Variants in PDGFC observed in about 807,000 individuals in gnomAD.
PDGFC encodes platelet derived growth factor C.
A neutral mutation model predicts 35.5 loss-of-function variants in PDGFC; 12 were observed. The ratio of observed to expected loss-of-function variants is 0.34; its 90% confidence interval spans 0.22 to 0.55. The LOEUF (loss-of-function observed/expected upper bound fraction) is 0.55, where lower values mean the gene tolerates loss of function less well. Ranked by LOEUF, PDGFC falls within the 20% of genes least tolerant of loss-of-function variation. The pLI is 0.91. For missense variants in PDGFC, 322 were observed against 412.4 expected (o/e 0.78, Z 1.90); for synonymous variants, 159 against 148.8 (o/e 1.07, Z -0.50).
intron 1 of PDGFC, among the ~76,000 whole-genome samples, chr4:156,939,690 A>C (rs2110903015): frequency 6.6e-6 from 1 of 152,216 alleles, no homozygotes; most frequent in South Asian, 2.1e-4. Context: ...ATGTGTCCTC[A>C]GCAGAAATTA....
At chr4:156,889,727 G>C (rs887665425) in intron 1 of PDGFC, among the ~76,000 whole-genome samples, 1 of 152,190 alleles carries the variant, frequency 6.6e-6, no homozygotes, top group African/African-American at 2.4e-5. Context: ...GAAGCTAACA[G>C]GCATTGTTTT....
chr4:156,960,555 A>G (rs1732319667), intron 1 of PDGFC, among the ~76,000 whole-genome samples: 1 of 151,742 alleles, frequency 6.6e-6, no homozygotes, highest in South Asian at 2.1e-4. Flanking sequence ...AGTAAAGTCA[A>G]TAATAAAATG....
In PDGFC at chr4:156,809,998, C is replaced by T. The variant is rs541292557; in HGVS notation, c.495+839G>A. Among the ~76,000 whole-genome samples the T allele has an allele frequency of 2.0e-5, 3 of 151,850 alleles. No homozygotes were observed. In the East Asian group the frequency reaches 5.8e-4, roughly 29 times the overall value. On this transcript the variant is annotated intron_variant, in intron 3 of 5. Transcript: ENST00000502773. ...ACTTTGTGAAAGTGTATCCATGGCC[C>T]TCAACGCCACCCTAGCCTAAAAAAT...
At chr4:156,822,175 C>A (rs376891454) in intron 2 of PDGFC, among the ~76,000 whole-genome samples, 1 of 151,750 alleles carries the variant, frequency 6.6e-6, no homozygotes, top group Non-Finnish European at 1.5e-5. Flanking sequence ...CTGGCTAACA[C>A]GGTGAAACCC....
chr4:156,798,061 G>A (rs1007504464), intron 3 of PDGFC, among the ~76,000 whole-genome samples: 4 of 152,014 alleles, frequency 2.6e-5, no homozygotes, highest in Admixed American at 6.6e-5. Flanking sequence ...GCATGGTGGC[G>A]GGCGCCTGTA....
At chr4:156,779,940 AT>A (rs1261770621) in intron 3 of PDGFC, among the ~76,000 whole-genome samples, 1 of 152,152 alleles carries the variant, frequency 6.6e-6, no homozygotes, top group African/African-American at 2.4e-5. Flanking sequence ...GAGCAGGCTC[AT>A]TGTTGGCTGG....
At chr4:156,879,962 G>C (rs796750221) in intron 1 of PDGFC, among the ~76,000 whole-genome samples, 13 of 152,230 alleles carry the variant, frequency 8.5e-5, no homozygotes, top group African/African-American at 2.4e-4. Flanking sequence ...TCTATGAAGG[G>C]TGAGAGAGGT....
intron 1 of PDGFC, among the ~76,000 whole-genome samples, chr4:156,884,847 T>C (rs544902482): frequency 8.5e-5 from 13 of 152,302 alleles, no homozygotes; most frequent in African/African-American, 3.1e-4. Context: ...AATATGTGAC[T>C]CTACTGCACG....
chr4:156,843,244 A>G (rs1215937089), intron 2 of PDGFC, among the ~76,000 whole-genome samples: 1 of 152,198 alleles, frequency 6.6e-6, no homozygotes, highest in Non-Finnish European at 1.5e-5. Flanking sequence ...GAAGACAGTC[A>G]TCTTTGAACC....
At chr4:156,770,045 T>C (rs1276173894) in intron 4 of PDGFC, 1 of 152,034 alleles carries the variant, frequency 6.6e-6, no homozygotes, top group East Asian at 1.9e-4. Flanking sequence ...TGAGATTGTA[T>C]ACGTTTCCTT....
chr4:156,821,703 A>T lies in PDGFC; in HGVS notation c.315-10686T>A, dbSNP rs138967894. 6.7e-3 allele frequency among the ~76,000 whole-genome samples: 1,026 copies of T among 152,170 alleles called. 15 individuals carry two copies. Among genetic ancestry groups the T allele is most frequent in the African/African-American group, 0.024 (981 of 41,520 alleles). On this transcript the variant is annotated intron_variant, in intron 2 of 5. Coordinates refer to ENST00000502773, the MANE Select transcript of PDGFC (RefSeq NM_016205.3). ...GCCGGGATTACAGGTGTGCACCACCATGGCCTGGCTAATTTTTTGTATTTT... is the reference window on the plus strand; with the variant it reads ...GCCGGGATTACAGGTGTGCACCACCTTGGCCTGGCTAATTTTTTGTATTTT...
At chr4:156,835,239 A>G (rs1387077969) in intron 2 of PDGFC, among the ~76,000 whole-genome samples, 1 of 152,182 alleles carries the variant, frequency 6.6e-6, no homozygotes, top group African/African-American at 2.4e-5. Flanking sequence ...GAGATAATGA[A>G]AATCACCTCA....
chr4:156,822,958 TCCTGA>T (rs1174170685), intron 2 of PDGFC, among the ~76,000 whole-genome samples: 1 of 151,930 alleles, frequency 6.6e-6, no homozygotes, highest in Non-Finnish European at 1.5e-5. Flanking sequence ...GGTCTCAAAC[TCCTGA>T]CCTCAGGTGA....
intron 1 of PDGFC, among the ~76,000 whole-genome samples, chr4:156,908,091 AG>A: frequency 6.6e-6 from 1 of 152,232 alleles, no homozygotes; most frequent in African/African-American, 2.4e-5. Context: ...ACTTGAACCC[AG>A]GAAGCGGAGG....
chr4:156,922,465 A>G (rs1371279567), intron 1 of PDGFC, among the ~76,000 whole-genome samples: 1 of 152,228 alleles, frequency 6.6e-6, no homozygotes. Flanking sequence ...GCATACAATT[A>G]ACATATGGTG....
intron 1 of PDGFC, among the ~76,000 whole-genome samples, chr4:156,926,329 A>G (rs1243818943): frequency 1.3e-5 from 2 of 152,158 alleles, no homozygotes; most frequent in Non-Finnish European, 2.9e-5. Context: ...TCAGGAAAAA[A>G]GAGATTATTT....
intron 1 of PDGFC, among the ~76,000 whole-genome samples, chr4:156,899,578 G>A (rs1730716988): frequency 6.6e-6 from 1 of 152,194 alleles, no homozygotes; most frequent in African/African-American, 2.4e-5. Flanking sequence ...ACTTTGGAAG[G>A]CCAAGGCAGA....
In PDGFC at chr4:156,789,793, G is replaced by A. The variant is rs184174920; in HGVS notation, c.496-16900C>T. Among the ~76,000 whole-genome samples the A allele has an allele frequency of 3.9e-5, 6 of 152,028 alleles. No individual in the cohort carries two copies. The South Asian group carries it at 6.3e-4, about 16-fold the overall frequency. ...AGATCGAGACCATCCTGGCTAACACGGTGAAACCACATCTCTAATAAAAAT... is the reference window on the plus strand; with the variant it reads ...AGATCGAGACCATCCTGGCTAACACAGTGAAACCACATCTCTAATAAAAAT... On this transcript the variant is annotated intron_variant, in intron 3 of 5. Coordinates refer to ENST00000502773, the MANE Select transcript of PDGFC (RefSeq NM_016205.3).
intron 3 of PDGFC, among the ~76,000 whole-genome samples, chr4:156,796,330 C>G (rs1484653874): frequency 6.6e-6 from 1 of 151,748 alleles, no homozygotes; most frequent in Non-Finnish European, 1.5e-5. Flanking sequence ...TTAGTACCCC[C>G]ATAGTGTTTT....
Sources: gnomAD v4.1 joint callset for allele counts (sites outside exome capture counted in the v4.1 genomes callset) on GRCh38, gnomAD v4.1.1 for gene constraint, MANE v1.5 for transcripts, NCBI Gene and HGNC (gene_info 2026-07-23, HGNC 2026-07-21) for gene names.